The following HNRNPD variants were observed in gnomAD, a reference collection of about 807,000 sequenced individuals.
HNRNPD encodes heterogeneous nuclear ribonucleoprotein D0.
HNRNPD carries 3 observed loss-of-function variants against 47.9 expected under a neutral mutation model. That is an observed-to-expected ratio of 0.06 (90% CI 0.03 to 0.16). HNRNPD has a LOEUF of 0.16. Ranked by LOEUF, HNRNPD falls within the 10% of genes least tolerant of loss-of-function variation. The probability of loss-of-function intolerance (pLI) is 1.00; values close to 1 mark genes in which losing one functional copy is unlikely to be tolerated. For synonymous variants in HNRNPD, 171 were observed against 165.1 expected (o/e 1.04, Z -0.28); for missense variants, 287 against 454.2 (o/e 0.63, Z 3.35).
At chr4:82,371,325 C>T (rs2110004407) in intron 2 of HNRNPD, among the ~76,000 whole-genome samples, 1 of 152,248 alleles carries the variant, frequency 6.6e-6, no homozygotes, top group African/African-American at 2.4e-5. Flanking sequence ...TTACCACAGA[C>T]CAAATACCAT....
intron 2 of HNRNPD, among the ~76,000 whole-genome samples, chr4:82,368,414 C>A (rs775527710): frequency 1.3e-5 from 2 of 152,060 alleles, no homozygotes; most frequent in Admixed American, 6.5e-5. Context: ...AGGGAAAAAA[C>A]CCCAGATTTA....
chr4:82,355,432 G>A (rs751352965), intron 7 of HNRNPD, 31 bp from the exon 8 acceptor site: 83 of 1,505,052 alleles, frequency 5.5e-5, no homozygotes, highest in Non-Finnish European at 6.8e-5. Context: ...GAACCAGAAC[G>A]GTAGTGGTTA....
In HNRNPD at chr4:82,356,563, T is replaced by C. The variant is rs1398789358; in HGVS notation, c.974A>G (p.Asn325Ser). 3 of 1,609,426 alleles carry C rather than the reference T, an allele frequency of 1.9e-6. No homozygotes were observed. Among genetic ancestry groups the C allele is most frequent in the Admixed American group, 1.7e-5 (1 of 59,982 alleles). Residue 325 changes from asparagine to serine, a missense_variant, in exon 7 of 9, where the codon AAC (asparagine) becomes AGC (serine). Coordinates refer to ENST00000313899, the MANE Select transcript of HNRNPD (RefSeq NM_031370.3). ...YGGYDYTGYN[N>S]YYGYGDYSNQ... The stretch of plus-strand genomic sequence containing the variant: ...GCTATAATCACCATATCCATAGTAG[T>C]TGTTGTAACCAGTGTAGTCATATCC...
intron 8 of HNRNPD, 181 bp from the exon 9 acceptor site, chr4:82,354,335 T>A (rs1371326931): frequency 6.6e-6 from 1 of 152,370 alleles, no homozygotes; most frequent in Non-Finnish European, 1.5e-5. Flanking sequence ...TAAATCCACA[T>A]GTGCACCACT....
At chr4:82,362,106 T>C (rs1392281370) in intron 2 of HNRNPD, among the ~76,000 whole-genome samples, 2 of 152,208 alleles carry the variant, frequency 1.3e-5, no homozygotes, top group South Asian at 2.1e-4. Flanking sequence ...TTTTCTGCCT[T>C]CTTATACTTC....
intron 3 of HNRNPD, 56 bp downstream of exon 3, chr4:82,359,415 C>A: frequency 8.0e-7 from 1 of 1,243,334 alleles, no homozygotes; most frequent in Non-Finnish European, 1.1e-6. Flanking sequence ...TTGTATCAAA[C>A]TATCCATATG....
At chr4:82,357,222 C>A in intron 5 of HNRNPD, 91 bp downstream of exon 5, 1 of 1,383,000 alleles carries the variant, frequency 7.2e-7, no homozygotes, top group Admixed American at 2.5e-5. Flanking sequence ...TTAAAGCATG[C>A]AAAGAACTTA....
rs756690384 is a variant in HNRNPD, at chr4:82,354,065, G to C, written c.*120C>G. On this transcript the variant is annotated 3_prime_UTR_variant, in exon 9 of 9. Transcript: ENST00000313899. ...ACGTCATACTTCCATTCAGGGACTT[G>C]ATACAAAAAATTTAGTTTGAACTGC... 28 of 152,620 alleles carry C rather than the reference G, an allele frequency of 1.8e-4. No individual in the cohort carries two copies. The highest frequency in any genetic ancestry group is 3.8e-4 in the Non-Finnish European group (26 of 68,048). The allele number at this position is 152,620 out of a possible 1,614,324, so 9.5% of individuals were successfully genotyped here.
intron 2 of HNRNPD, among the ~76,000 whole-genome samples, chr4:82,371,192 C>G (rs1049593563): frequency 6.6e-6 from 1 of 150,650 alleles, no homozygotes; most frequent in Admixed American, 6.6e-5. Context: ...TAAATTCCAA[C>G]AAAAATATTT....
In HNRNPD at chr4:82,364,002, G is replaced by A. The variant is rs116384136; in HGVS notation, c.291-4363C>T. ...CTACTGCTGCCTTTTTTTAAGACAG[G>A]GTCTCACTCTGTCTCCCAGGCTGGA... is the stretch of plus-strand genomic sequence containing the variant. On this transcript the variant is annotated intron_variant, in intron 2 of 8. Coordinates refer to ENST00000313899, the MANE Select transcript of HNRNPD (RefSeq NM_031370.3). Among the ~76,000 whole-genome samples the A allele has an allele frequency of 9.3e-3, 1,418 of 151,924 alleles. 26 individuals carry two copies. Among genetic ancestry groups the A allele is most frequent in the African/African-American group, 0.032 (1,341 of 41,392 alleles).
At chr4:82,358,547 C>T in intron 4 of HNRNPD, 112 bp downstream of exon 4, 1 of 906,766 alleles carries the variant, frequency 1.1e-6, no homozygotes, top group Non-Finnish European at 1.7e-6. Flanking sequence ...CAAAACAGAT[C>T]ACATAATCTA....
chr4:82,367,562 C>T (rs1719828495), intron 2 of HNRNPD, among the ~76,000 whole-genome samples: 1 of 152,236 alleles, frequency 6.6e-6, no homozygotes, highest in African/African-American at 2.4e-5. Flanking sequence ...CTTCATCTAT[C>T]TTGCTCATAA....
chr4:82,358,882 A>C, intron 3 of HNRNPD, 62 bp from the exon 4 acceptor site: 1 of 1,212,378 alleles, frequency 8.2e-7, no homozygotes, highest in Non-Finnish European at 1.2e-6. Flanking sequence ...AGAGACTATT[A>C]ACTTACTTAA....
chr4:82,372,024 C>G (rs1449448903), intron 1 of HNRNPD, among the ~76,000 whole-genome samples: 1 of 152,096 alleles, frequency 6.6e-6, no homozygotes, highest in African/African-American at 2.4e-5. Flanking sequence ...AAGTGCTTCT[C>G]CCCTCCCAAC....
Position 82,353,814 on chromosome 4 carries a change from A to G in HNRNPD, c.*371T>C, listed in dbSNP as rs1723609169. ...TGACAATTTTTCCTATTCTGATGAT[A>G]AAAGAGCCAATACATTTTTATACAA... On this transcript the variant is annotated 3_prime_UTR_variant, in exon 9 of 9. Transcript: ENST00000313899. 1 of 152,660 alleles carries G rather than the reference A, an allele frequency of 6.6e-6. No individual in the cohort carries two copies. The highest frequency in any genetic ancestry group is 2.1e-4 in the South Asian group (1 of 4,838). 9.5% of individuals were successfully genotyped at this position (152,660 alleles called of 1,614,324 possible).
At chr4:82,372,469 T>C (rs748977299) in intron 1 of HNRNPD, among the ~76,000 whole-genome samples, 1 of 151,770 alleles carries the variant, frequency 6.6e-6, no homozygotes, top group African/African-American at 2.4e-5. Context: ...CCTCCCTTAG[T>C]GGGCGGGAAA....
chr4:82,352,696 T>TAAC lies in HNRNPD; in HGVS notation c.*1486_*1488dup, dbSNP rs1723546345. The TAAC allele has an allele frequency of 1.3e-5, 2 of 152,290 alleles. No homozygotes were observed. Among genetic ancestry groups the TAAC allele is most frequent in the East Asian group, 3.9e-4 (2 of 5,188 alleles). 9.4% of individuals were successfully genotyped at this position (152,290 alleles called of 1,614,324 possible). A position where few individuals can be genotyped will look rare whatever the true frequency, so the allele number is the denominator to read the frequency against. On this transcript the variant is annotated 3_prime_UTR_variant, in exon 9 of 9. Coordinates refer to ENST00000313899, the MANE Select transcript of HNRNPD (RefSeq NM_031370.3). ...TCCTAACTACTAAACTCTACCACTG[T>TAAC]AACACAAAAGCAGCCATATACAAAA...
At chr4:82,362,846 C>T (rs533398126) in intron 2 of HNRNPD, among the ~76,000 whole-genome samples, 5 of 152,172 alleles carry the variant, frequency 3.3e-5, no homozygotes, top group Admixed American at 6.5e-5. Flanking sequence ...GTGATCCGCC[C>T]GCTCCAGCCT....
chr4:82,371,376 T>G (rs773670535), intron 2 of HNRNPD, 152 bp downstream of exon 2: 14 of 514,356 alleles, frequency 2.7e-5, no homozygotes, highest in Admixed American at 1.0e-4. Flanking sequence ...ACATGATGCC[T>G]ATAAAAGGTA....
Sources: gnomAD v4.1 joint callset for allele counts (sites outside exome capture counted in the v4.1 genomes callset) on GRCh38, gnomAD v4.1.1 for gene constraint, MANE v1.5 for transcripts, NCBI Gene and HGNC (gene_info 2026-07-23, HGNC 2026-07-21) for gene names.